SLC14A2: variants seen among roughly 807,000 people sequenced by gnomAD.
SLC14A2 encodes the protein solute carrier family 14 member 2.
In SLC14A2, 91 loss-of-function variants were observed where a neutral mutation model predicts 104.6. The observed-to-expected ratio is 0.87, with a 90% CI of 0.73 to 1.04. The LOEUF (loss-of-function observed/expected upper bound fraction) is 1.04, where lower values mean the gene tolerates loss of function less well. Among genes scored for constraint, SLC14A2 ranks in the 50% least tolerant of loss-of-function variants. The pLI, the probability that SLC14A2 is intolerant of heterozygous loss-of-function variation, is 0.00. For synonymous variants in SLC14A2, 476 were observed against 466.4 expected (o/e 1.02, Z -0.27); for missense variants, 1,189 against 1,156.0 (o/e 1.03, Z -0.41).
intron 2 of SLC14A2, among the ~76,000 whole-genome samples, chr18:45,556,807 C>T (rs1053523519): frequency 1.3e-5 from 2 of 152,210 alleles, no homozygotes; most frequent in African/African-American, 2.4e-5. Flanking sequence ...TGTAGGCAGT[C>T]GATTCCAATA....
At chr18:45,301,170 C>G (rs549281900) in intron 1 of SLC14A2, among the ~76,000 whole-genome samples, 2 of 152,330 alleles carry the variant, frequency 1.3e-5, no homozygotes, top group South Asian at 2.1e-4. Context: ...GGGTGATTAA[C>G]AGCATTCCAC....
intron 1 of SLC14A2, among the ~76,000 whole-genome samples, chr18:45,449,850 GT>G (rs2086830048): frequency 6.6e-6 from 1 of 152,182 alleles, no homozygotes; most frequent in South Asian, 2.1e-4. Context: ...TTAGAGAGCT[GT>G]TTCTAGGCGA....
intron 1 of SLC14A2, among the ~76,000 whole-genome samples, chr18:45,308,411 A>G (rs72906642): frequency 4.2e-4 from 64 of 152,354 alleles, no homozygotes; most frequent in Non-Finnish European, 7.3e-4. Context: ...TAGGACTCCC[A>G]CTTATATCAT....
At chr18:45,457,156 G>T (rs766495699) in intron 1 of SLC14A2, among the ~76,000 whole-genome samples, 1 of 152,132 alleles carries the variant, frequency 6.6e-6, no homozygotes, top group Non-Finnish European at 1.5e-5. Flanking sequence ...TGTAGTATAC[G>T]AAGGTTTTTT....
chr18:45,420,075 C>G (rs2086325349), intron 1 of SLC14A2, among the ~76,000 whole-genome samples: 1 of 152,222 alleles, frequency 6.6e-6, no homozygotes, highest in African/African-American at 2.4e-5. Flanking sequence ...GGCTTGGGAT[C>G]TCTCATGAGA....
chr18:45,587,985 T>C (rs1599035130), intron 2 of SLC14A2, among the ~76,000 whole-genome samples: 1 of 150,540 alleles, frequency 6.6e-6, no homozygotes, highest in Non-Finnish European at 1.5e-5. Context: ...TTGGACCATA[T>C]GTTGCAGGGG....
the SLC14A2 span, among the ~76,000 whole-genome samples, chr18:45,175,558 G>C: frequency 6.6e-6 from 1 of 152,110 alleles, no homozygotes; most frequent in Admixed American, 6.6e-5. Context: ...TGACTTATGA[G>C]TGGATCATGT....
At chr18:45,186,887 G>A in the SLC14A2 span, among the ~76,000 whole-genome samples, 1 of 152,074 alleles carries the variant, frequency 6.6e-6, no homozygotes, top group African/African-American at 2.4e-5. Context: ...ATGTTTTTAT[G>A]GTGAAGATCC....
chr18:45,346,143 C>T (rs1277988178), intron 1 of SLC14A2, among the ~76,000 whole-genome samples: 1 of 152,100 alleles, frequency 6.6e-6, no homozygotes, highest in East Asian at 1.9e-4. Context: ...GTTTTGTCTC[C>T]TTTTCTACTG....
intron 2 of SLC14A2, among the ~76,000 whole-genome samples, chr18:45,545,978 T>C (rs939129009): frequency 6.6e-6 from 1 of 151,740 alleles, no homozygotes; most frequent in African/African-American, 2.4e-5. Context: ...GAAGCATTTA[T>C]TTTTTCCTAG....
chr18:45,527,687 G>A (rs77758053), intron 2 of SLC14A2, among the ~76,000 whole-genome samples: 3,137 of 152,252 alleles, frequency 0.021, 117 homozygotes, highest in African/African-American at 0.071. Context: ...CAAATCGTTT[G>A]TTCTAAGTCT....
intron 1 of SLC14A2, among the ~76,000 whole-genome samples, chr18:45,336,380 A>G (rs189754827): frequency 7.2e-4 from 110 of 152,198 alleles, no homozygotes; most frequent in Non-Finnish European, 1.4e-3. Context: ...CCTAATTAAC[A>G]TCAGCCTGCC....
chr18:45,233,266 C>T (rs2084192920), intron 1 of SLC14A2, among the ~76,000 whole-genome samples: 1 of 152,124 alleles, frequency 6.6e-6, no homozygotes, highest in African/African-American at 2.4e-5. Flanking sequence ...CACAAGTTGA[C>T]CTCTTAAGGT....
intron 1 of SLC14A2, among the ~76,000 whole-genome samples, chr18:45,415,994 C>T (rs962448448): frequency 7.9e-5 from 12 of 152,248 alleles, no homozygotes; most frequent in African/African-American, 2.6e-4. Context: ...CTGGCAAACT[C>T]GAATTTCTAA....
intron 2 of SLC14A2, among the ~76,000 whole-genome samples, chr18:45,579,220 T>C (rs1450447042): frequency 6.6e-6 from 1 of 152,192 alleles, no homozygotes; most frequent in Non-Finnish European, 1.5e-5. Context: ...ATTACACCTC[T>C]TGATAAGAAA....
intron 1 of SLC14A2, among the ~76,000 whole-genome samples, chr18:45,416,327 A>G: frequency 6.7e-6 from 1 of 149,740 alleles, no homozygotes. Flanking sequence ...AGGTTGCCAT[A>G]GCAACCACTC....
chr18:45,652,989 G>A (rs867625239), intron 10 of SLC14A2, among the ~76,000 whole-genome samples: 1 of 151,892 alleles, frequency 6.6e-6, no homozygotes, highest in Non-Finnish European at 1.5e-5. Context: ...GTTATGTCTG[G>A]AATAGGTGGA....
At chr18:45,190,465 G>A in the SLC14A2 span, among the ~76,000 whole-genome samples, 5 of 152,106 alleles carry the variant, frequency 3.3e-5, no homozygotes, top group Admixed American at 2.0e-4. Flanking sequence ...AGAGCCTCTG[G>A]GTGGGTCTAA....
intron 5 of SLC14A2, among the ~76,000 whole-genome samples, chr18:45,636,074 A>C (rs749025785): frequency 2.0e-5 from 3 of 152,236 alleles, no homozygotes. Flanking sequence ...GACAGTAAAG[A>C]TTTGAGAAGA....
Sources: allele counts gnomAD v4.1 joint callset (sites outside exome capture counted in the v4.1 genomes callset), GRCh38; gene constraint gnomAD v4.1.1; transcripts MANE v1.5; gene names NCBI Gene and HGNC (gene_info 2026-07-23, HGNC 2026-07-21).